The following ZCCHC7 variants were observed in gnomAD, a reference collection of about 807,000 sequenced individuals.
ZCCHC7 encodes the protein zinc finger CCHC domain-containing protein 7.
A neutral mutation model predicts 52.0 loss-of-function variants in ZCCHC7; 35 were observed. The observed-to-expected ratio is 0.67, with a 90% CI of 0.51 to 0.89. The LOEUF is 0.89. Among genes scored for constraint, ZCCHC7 ranks in the 40% least tolerant of loss-of-function variants. The pLI, the probability that ZCCHC7 is intolerant of heterozygous loss-of-function variation, is 0.00. For synonymous variants in ZCCHC7, 217 were observed against 221.5 expected (o/e 0.98, Z 0.18); for missense variants, 574 against 649.1 (o/e 0.88, Z 1.26).
At position 37,183,752 on chromosome 9, in the gene ZCCHC7, A is replaced by C. The variant is rs561966955; in HGVS notation, c.610+56810A>C. Among the ~76,000 whole-genome samples the C allele has an allele frequency of 4.6e-5, 7 of 152,342 alleles. No individual in the cohort carries two copies. The South Asian group carries it at 1.4e-3, about 32-fold the overall frequency. ...TTTTCCTCCTCACATCAACAACCCC[A>C]ATGAATTTTATCTCTCATTTATAAA... On this transcript the variant is annotated intron_variant, in intron 2 of 8. Coordinates refer to ENST00000336755, the MANE Select transcript of ZCCHC7 (RefSeq NM_032226.3).
At chr9:37,226,848 G>A (rs1020948308) in intron 2 of ZCCHC7, among the ~76,000 whole-genome samples, 5 of 152,086 alleles carry the variant, frequency 3.3e-5, no homozygotes, top group African/African-American at 1.2e-4. Context: ...GGCTAACAAG[G>A]TGAAACCCTG....
At chr9:37,295,440 C>A (rs1376288750) in intron 2 of ZCCHC7, among the ~76,000 whole-genome samples, 1 of 152,126 alleles carries the variant, frequency 6.6e-6, no homozygotes, top group Non-Finnish European at 1.5e-5. Context: ...AATGTATTCA[C>A]ATTTATATTT....
rs563894302 is a variant in ZCCHC7, at chr9:37,291,782, C to T, written c.611-10406C>T. Among the ~76,000 whole-genome samples the T allele has an allele frequency of 2.0e-5, 3 of 152,284 alleles. No homozygotes were observed. The South Asian group carries it at 6.2e-4, about 32-fold the overall frequency. On this transcript the variant is annotated intron_variant, in intron 2 of 8. Transcript: ENST00000336755. ...AATCTTGGCTCACCGCAACCTTCAC[C>T]TCCTGGGTTCCAGTGATTCTCCTGC...
In ZCCHC7 at chr9:37,194,140, ACT is replaced by A. The variant is rs372062977; in HGVS notation, c.610+67201_610+67202del. 3.8e-3 allele frequency among the ~76,000 whole-genome samples: 580 copies of A among 152,226 alleles called. 4 individuals are homozygous for A. The highest frequency in any genetic ancestry group is 0.013 in the African/African-American group (548 of 41,526). ...ACAAATGTGGATATATTGAAGACAAACTCTAAAAAATTGGGTACTTGCTATGC... is the reference window on the plus strand; with the variant it reads ...ACAAATGTGGATATATTGAAGACAAACTAAAAAATTGGGTACTTGCTATGC... On this transcript the variant is annotated intron_variant, in intron 2 of 8. Transcript: ENST00000336755.
At chr9:37,147,260 A>G (rs1305017562) in intron 2 of ZCCHC7, 1 of 152,016 alleles carries the variant, frequency 6.6e-6, no homozygotes, top group Non-Finnish European at 1.5e-5. Flanking sequence ...ATATAGTTTC[A>G]TTTTAAGACC....
At chr9:37,122,678 G>A (rs535438263) in intron 1 of ZCCHC7, among the ~76,000 whole-genome samples, 1 of 152,226 alleles carries the variant, frequency 6.6e-6, no homozygotes, top group Non-Finnish European at 1.5e-5. Flanking sequence ...GGTGGCTCAC[G>A]CCTGTAATCC....
intron 2 of ZCCHC7, among the ~76,000 whole-genome samples, chr9:37,141,591 T>A (rs1340518264): frequency 3.3e-5 from 5 of 151,932 alleles, no homozygotes; most frequent in Admixed American, 1.3e-4. Context: ...ATAAAAATGT[T>A]ATTTTATAGT....
chr9:37,337,393 A>ACCCC (rs1830724816), intron 6 of ZCCHC7, among the ~76,000 whole-genome samples: 25 of 15,060 alleles, frequency 1.7e-3, no homozygotes, highest in Non-Finnish European at 2.1e-3. Context: ...ACCCCACCCT[A>ACCCC]CCCACCCACC....
chr9:37,220,327 G>A (rs924818166), intron 2 of ZCCHC7, among the ~76,000 whole-genome samples: 11 of 152,088 alleles, frequency 7.2e-5, no homozygotes, highest in Non-Finnish European at 1.6e-4. Context: ...GATTACTTGA[G>A]GTCAGGAGTT....
chr9:37,124,934 CTGTGCCTCCCAGGTTCAAGCTATTCT>C (rs1242973221), intron 1 of ZCCHC7, among the ~76,000 whole-genome samples: 5 of 152,212 alleles, frequency 3.3e-5, no homozygotes, highest in African/African-American at 1.2e-4. Context: ...TCACTGCAGC[CTGTGCCTCCCAGGTTCAAGCTATTCT>C]TGTGCCTCCA....
At chr9:37,171,142 G>A (rs1012876299) in intron 2 of ZCCHC7, among the ~76,000 whole-genome samples, 5 of 152,172 alleles carry the variant, frequency 3.3e-5, no homozygotes, top group Non-Finnish European at 5.9e-5. Context: ...AATTGGAAGC[G>A]ACACCTTAAA....
chr9:37,162,714 G>C (rs1478646669), intron 2 of ZCCHC7, among the ~76,000 whole-genome samples: 1 of 152,150 alleles, frequency 6.6e-6, no homozygotes, highest in African/African-American at 2.4e-5. Flanking sequence ...CTTTCTTCTT[G>C]AGTAAATACC....
chr9:37,318,631 G>T (rs1048322883), intron 5 of ZCCHC7, among the ~76,000 whole-genome samples: 2 of 151,852 alleles, frequency 1.3e-5, no homozygotes, highest in South Asian at 4.2e-4. Flanking sequence ...AGTTTGAGTG[G>T]GCCCTGTGTG....
At chr9:37,256,783 A>G (rs1488208679) in intron 2 of ZCCHC7, among the ~76,000 whole-genome samples, 1 of 152,210 alleles carries the variant, frequency 6.6e-6, no homozygotes, top group Non-Finnish European at 1.5e-5. Context: ...CATTGTAACT[A>G]ACTTTTAGGA....
In ZCCHC7 at chr9:37,357,202, G is replaced by A. The variant is rs1821761561; in HGVS notation, c.1566G>A (p.Glu522=). ...EGKRGKQKKK[E]RCWEDDDNDN... ...AGAGGGGCAAGCAGAAGAAAAAGGA[G>A]AGGTGCTGGGAAGATGATGACAATG... The change falls in exon 9 of 9, where the codon GAG becomes GAA. Residue 522 remains glutamate, a synonymous_variant. Coordinates refer to ENST00000336755, the MANE Select transcript of ZCCHC7 (RefSeq NM_032226.3). The A allele has an allele frequency of 1.2e-6, 2 of 1,611,510 alleles. No individual in the cohort carries two copies. Among genetic ancestry groups the A allele is most frequent in the Non-Finnish European group, 1.7e-6 (2 of 1,179,412 alleles).
chr9:37,226,533 G>C (rs1293716281), intron 2 of ZCCHC7, among the ~76,000 whole-genome samples: 5 of 152,140 alleles, frequency 3.3e-5, no homozygotes, highest in African/African-American at 1.2e-4. Context: ...AGATGTATGG[G>C]ACAGAAAAGA....
intron 5 of ZCCHC7, among the ~76,000 whole-genome samples, chr9:37,311,374 A>G (rs1329817606): frequency 6.6e-6 from 1 of 152,170 alleles, no homozygotes; most frequent in African/African-American, 2.4e-5. Flanking sequence ...CAGTGGGAGA[A>G]AATAATTCAT....
At chr9:37,276,637 G>A (rs1827697677) in intron 2 of ZCCHC7, among the ~76,000 whole-genome samples, 1 of 152,118 alleles carries the variant, frequency 6.6e-6, no homozygotes, top group Non-Finnish European at 1.5e-5. Flanking sequence ...GGGAAATTGG[G>A]TAGTATTCAT....
Position 37,316,942 on chromosome 9 carries a change from AT to A in ZCCHC7, c.952-10856del, listed in dbSNP as rs200574700. Among the ~76,000 whole-genome samples, 324 of 151,880 alleles carry A rather than the reference AT, an allele frequency of 2.1e-3. 7 individuals are homozygous for A. Among genetic ancestry groups the A allele is most frequent in the East Asian group, 0.011 (57 of 5,178 alleles). ...ATAAAGAATTGGTAGATCAAAAAAA[AT>A]AATAATAATCAGAGATGTCTCCAAA... On this transcript the variant is annotated intron_variant, in intron 5 of 8. Coordinates refer to ENST00000336755, the MANE Select transcript of ZCCHC7 (RefSeq NM_032226.3).
Sources: allele counts gnomAD v4.1 joint callset (sites outside exome capture counted in the v4.1 genomes callset), GRCh38; gene constraint gnomAD v4.1.1; transcripts MANE v1.5; gene names NCBI Gene and HGNC (gene_info 2026-07-23, HGNC 2026-07-21).